The following TRIM71 variants were observed in gnomAD, a reference collection of about 807,000 sequenced individuals.
TRIM71 encodes E3 ubiquitin-protein ligase TRIM71.
In TRIM71, 9 loss-of-function variants were observed where a neutral mutation model predicts 61.2. The ratio of observed to expected loss-of-function variants is 0.15; its 90% CI spans 0.09 to 0.26. The LOEUF is 0.26. TRIM71 is among the 10% of genes least tolerant of loss of function. TRIM71 has a pLI of 1.00. For synonymous variants in TRIM71, 645 were observed against 553.2 expected, an observed-to-expected ratio of 1.17 and a Z score of -2.33; for missense variants, 998 against 1,238.7, an observed-to-expected ratio of 0.81 and a Z score of 2.92.
In TRIM71 at chr3:32,890,366, A is replaced by G; in HGVS notation, c.1162A>G (p.Lys388Glu). The G allele has an allele frequency of 6.2e-7, 1 of 1,606,618 alleles. No individual in the cohort carries two copies. Among genetic ancestry groups the G allele is most frequent in the African/African-American group, 1.3e-5 (1 of 74,890 alleles). ...CTCTTGCTTTTCCCTCCAGGTAGAAAAGATCCGCCAGGTGAAAGCCAAGTC... is the reference window on the plus strand; with the variant it reads ...CTCTTGCTTTTCCCTCCAGGTAGAAGAGATCCGCCAGGTGAAAGCCAAGTC... ...RECELLWKVEKIRQVKAKSLY... is the reference protein window; with the variant it reads ...RECELLWKVEEIRQVKAKSLY... Residue 388 changes from lysine to glutamate, a missense_variant, in exon 4 of 4, where the codon AAG becomes GAG. By Grantham distance (56) the Lys-to-Glu change is moderately conservative (BLOSUM62 1). This residue lies in a region of TRIM71 where 291 missense variants were observed against 431.2 expected (regional missense o/e 0.67). Transcript: ENST00000383763. This position sits in a 1 kb window ranked among gnomAD's most constrained non-coding sequence, Gnocchi z 6.2.
chr3:32,889,912 GTA>G (rs1329729423), intron 3 of TRIM71, among the ~76,000 whole-genome samples: 1 of 152,042 alleles, frequency 6.6e-6, no homozygotes, highest in Non-Finnish European at 1.5e-5. Context: ...ATGTATGTAT[GTA>G]TGTATGTGTA....
chr3:32,866,972 T>C (rs1207299963), intron 1 of TRIM71, among the ~76,000 whole-genome samples: 1 of 152,206 alleles, frequency 6.6e-6, no homozygotes, highest in African/African-American at 2.4e-5. Context: ...ACAGATGACA[T>C]TTTATGTTTG....
intron 1 of TRIM71, among the ~76,000 whole-genome samples, chr3:32,828,818 A>G (rs1225131805): frequency 6.6e-6 from 1 of 151,892 alleles, no homozygotes; most frequent in African/African-American, 2.4e-5. Context: ...ATTTTATATG[A>G]CATGTTTGAA....
At chr3:32,858,293 G>A (rs1696629015) in intron 1 of TRIM71, among the ~76,000 whole-genome samples, 1 of 152,218 alleles carries the variant, frequency 6.6e-6, no homozygotes, top group African/African-American at 2.4e-5. Flanking sequence ...TCTGTTAACA[G>A]TTAAGCCTAG....
intron 1 of TRIM71, among the ~76,000 whole-genome samples, chr3:32,819,776 G>T (rs1696107158): frequency 6.6e-6 from 1 of 152,302 alleles, no homozygotes; most frequent in Admixed American, 6.5e-5. Flanking sequence ...AAGCCCTACA[G>T]GAACCGGTTT....
intron 3 of TRIM71, among the ~76,000 whole-genome samples, chr3:32,889,077 C>T (rs569026442): frequency 6.6e-6 from 1 of 152,180 alleles, no homozygotes. Flanking sequence ...TTTTTAACAC[C>T]TATCACTATC....
chr3:32,874,126 C>A, intron 2 of TRIM71, 141 bp downstream of exon 2: 1 of 841,244 alleles, frequency 1.2e-6, no homozygotes, highest in Non-Finnish European at 1.8e-6. Context: ...ATCCCTGCAG[C>A]AGCGGTCCCT....
At chr3:32,839,323 C>T (rs538090088) in intron 1 of TRIM71, among the ~76,000 whole-genome samples, 4 of 152,058 alleles carry the variant, frequency 2.6e-5, no homozygotes, top group Non-Finnish European at 4.4e-5. Flanking sequence ...CTCTGCCTCC[C>T]GGGTTCAAGT....
chr3:32,857,827 C>T lies in TRIM71; in HGVS notation c.853-15991C>T, dbSNP rs1469932547. Among the ~76,000 whole-genome samples, 2 of 152,134 alleles carry T rather than the reference C, an allele frequency of 1.3e-5. 1 individual carries two copies. Among genetic ancestry groups the T allele is most frequent in the South Asian group, 4.2e-4 (2 of 4,814 alleles). ...CTGTACTAAAAACACAAAAATTAGC[C>T]GGGTGTGGTAGTGGGTGCCTGTGAT... is the stretch of plus-strand genomic sequence containing the variant. On this transcript the variant is annotated intron_variant, in intron 1 of 3. Coordinates refer to ENST00000383763, the MANE Select transcript of TRIM71 (RefSeq NM_001039111.3).
At chr3:32,858,468 T>C (rs1034717131) in intron 1 of TRIM71, among the ~76,000 whole-genome samples, 2 of 152,186 alleles carry the variant, frequency 1.3e-5, no homozygotes, top group East Asian at 1.9e-4. Context: ...GCCAGGATAC[T>C]GTGGCCTCAT....
At chr3:32,822,919 A>G (rs1431531504) in intron 1 of TRIM71, among the ~76,000 whole-genome samples, 1 of 152,234 alleles carries the variant, frequency 6.6e-6, no homozygotes, top group African/African-American at 2.4e-5. Context: ...ATTGATTCAT[A>G]TTAATTTCAA....
chr3:32,861,422 G>A (rs1575352049), intron 1 of TRIM71, among the ~76,000 whole-genome samples: 2 of 149,798 alleles, frequency 1.3e-5, no homozygotes, highest in Non-Finnish European at 3.0e-5. Flanking sequence ...ATGAGCCACC[G>A]TGCCCAGCCA....
At chr3:32,872,703 A>G (rs1300847188) in intron 1 of TRIM71, among the ~76,000 whole-genome samples, 2 of 152,194 alleles carry the variant, frequency 1.3e-5, no homozygotes, top group African/African-American at 2.4e-5. Flanking sequence ...CCTGTGTTGG[A>G]ACCAGCTCTG....
chr3:32,897,145 TG>T lies in TRIM71; in HGVS notation c.*5335del, dbSNP rs1373487604. ...TAGCTCTCATGCCGGGTCAGCAAAA[TG>T]CTTTAATTTTTAACTGCAGAACATG... On this transcript the variant is annotated 3_prime_UTR_variant, in exon 4 of 4. Transcript: ENST00000383763. The T allele has an allele frequency of 3.3e-5, 5 of 152,224 alleles. No individual in the cohort carries two copies. Among genetic ancestry groups the T allele is most frequent in the African/African-American group, 1.2e-4 (5 of 41,534 alleles). 9.4% of individuals were successfully genotyped at this position (152,224 alleles called of 1,614,324 possible).
rs1282325140 is a variant in TRIM71 at position 32,818,757 on chromosome 3, C to A, written c.677C>A (p.Ala226Glu). 2 of 1,605,248 alleles carry A rather than the reference C, an allele frequency of 1.2e-6. No homozygotes were observed. The highest frequency in any genetic ancestry group is 1.7e-6 in the Non-Finnish European group (2 of 1,178,278). Residue 226 changes from alanine to glutamate, a missense_variant, in exon 1 of 4, where the codon GCG (alanine) becomes GAG (glutamate). By Grantham distance (107) the Ala-to-Glu change is moderately radical (BLOSUM62 -1). This residue lies in a region of TRIM71 where 527 missense variants were observed against 427.8 expected (regional missense o/e 1.23). Transcript: ENST00000383763. The part of the protein sequence containing the change: ...QEHLCDNCVR[A>E]HQRVRLTKDH... Reference sequence around the variant, plus strand: ...CACCTGTGCGACAACTGCGTCCGAGCGCACCAGCGCGTGCGCCTCACCAAG... The same window carrying A: ...CACCTGTGCGACAACTGCGTCCGAGAGCACCAGCGCGTGCGCCTCACCAAG...
At chr3:32,867,037 A>ATAAC (rs1696745481) in intron 1 of TRIM71, among the ~76,000 whole-genome samples, 1 of 152,178 alleles carries the variant, frequency 6.6e-6, no homozygotes, top group South Asian at 2.1e-4. Flanking sequence ...AGATGCAGAG[A>ATAAC]TAACGGCATC....
chr3:32,872,879 A>G (rs1012464999), intron 1 of TRIM71, among the ~76,000 whole-genome samples: 1 of 152,180 alleles, frequency 6.6e-6, no homozygotes, highest in Non-Finnish European at 1.5e-5. Context: ...CAGGTGTACC[A>G]GAGGCAAATT....
chr3:32,865,130 C>T (rs1696718037), intron 1 of TRIM71, among the ~76,000 whole-genome samples: 1 of 152,048 alleles, frequency 6.6e-6, no homozygotes, highest in South Asian at 2.1e-4. Context: ...GAGATTGAGA[C>T]CATCCTGGCT....
intron 1 of TRIM71, among the ~76,000 whole-genome samples, chr3:32,843,490 G>T (rs1043084667): frequency 3.9e-5 from 6 of 152,160 alleles, no homozygotes; most frequent in Non-Finnish European, 8.8e-5. Flanking sequence ...GCCCAGTTGT[G>T]CTTAGCACAT....
Sources: gnomAD v4.1 joint callset for allele counts (sites outside exome capture counted in the v4.1 genomes callset) on GRCh38, gnomAD v4.1.1 for gene constraint, gnomAD v4.1.1 regional missense constraint, Gnocchi (gnomAD v3.1) non-coding constraint, MANE v1.5 for transcripts, NCBI Gene and HGNC (gene_info 2026-07-23, HGNC 2026-07-21) for gene names.